The following GOSR1 variants were observed in gnomAD, a reference collection of about 807,000 sequenced individuals.
GOSR1 encodes the protein 28 kDa Golgi SNARE protein.
GOSR1 carries 21 observed loss-of-function variants against 35.5 expected under a neutral mutation model. The observed-to-expected ratio is 0.59, with a 90% CI of 0.42 to 0.85. The LOEUF (loss-of-function observed/expected upper bound fraction) is 0.85. GOSR1 is among the 40% of genes least tolerant of loss of function. The probability of loss-of-function intolerance (pLI) is 0.00; values close to 1 mark genes in which losing one functional copy is unlikely to be tolerated. For missense variants in GOSR1, 285 were observed against 309.6 expected, an observed-to-expected ratio of 0.92 and a Z score of 0.60; for synonymous variants, 94 against 106.6, an observed-to-expected ratio of 0.88 and a Z score of 0.73.
intron 4 of GOSR1, chr17:30,485,278 TTTTTTTTTG>T: frequency 5.3e-6 from 1 of 187,538 alleles, no homozygotes; most frequent in Non-Finnish European, 1.1e-5. Context: ...CAATTTTTTT[TTTTTTTTTG>T]AGATAGGGTT....
intron 3 of GOSR1, 83 bp downstream of exon 3, chr17:30,484,384 T>C (rs550763369): frequency 9.5e-6 from 8 of 845,600 alleles, no homozygotes; most frequent in Non-Finnish European, 1.5e-5. Context: ...GAGACAGACA[T>C]GTTTATTGAA....
intron 7 of GOSR1, among the ~76,000 whole-genome samples, chr17:30,512,879 A>G (rs1967664726): frequency 6.6e-6 from 1 of 152,240 alleles, no homozygotes; most frequent in African/African-American, 2.4e-5. Flanking sequence ...TAATATGAGT[A>G]TAAAAACTTG....
chr17:30,490,820 A>G (rs1277875448), intron 5 of GOSR1, among the ~76,000 whole-genome samples: 2 of 152,138 alleles, frequency 1.3e-5, no homozygotes, highest in Non-Finnish European at 2.9e-5. Flanking sequence ...GATCTATTCT[A>G]GCATTTCATA....
chr17:30,481,348 G>T lies in GOSR1; in HGVS notation c.146+91G>T. 1.0e-5 allele frequency: 9 copies of T among 867,588 alleles called. 1 individual carries two copies. The highest frequency in any genetic ancestry group is 2.4e-4 in the Middle Eastern group (1 of 4,198). The allele number at this position is 867,588 out of a possible 1,614,324, so 53.7% of individuals were successfully genotyped here. A position where few individuals can be genotyped will look rare whatever the true frequency, so the allele number is the denominator to read the frequency against. On this transcript the variant is annotated intron_variant, in intron 2 of 8. Coordinates refer to ENST00000451249, the MANE Select transcript of GOSR1 (RefSeq NM_001007025.2). ...CTAAAATATATAACTTCTGTAAGTT[G>T]GTCTATTGGTGAATTTTTGGTGTTT...
rs1914555322 is a variant in GOSR1 at position 30,484,545 on chromosome 17, G to GTT, written c.235-115_235-114dup. Reference sequence around the variant, plus strand: ...TGCTCTCTTGTTTGTTTTTTGTTTTGTTTTGTTTTGTTTTGTTTTGCTGTC... The same window carrying GTT: ...TGCTCTCTTGTTTGTTTTTTGTTTTGTTTTTTGTTTTGTTTTGTTTTGCTGTC... On this transcript the variant is annotated intron_variant, in intron 3 of 8. Coordinates refer to ENST00000451249, the MANE Select transcript of GOSR1 (RefSeq NM_001007025.2). 6 of 615,224 alleles carry GTT rather than the reference G, an allele frequency of 9.8e-6. No homozygotes were observed. In the South Asian group the frequency reaches 1.3e-4, roughly 13 times the overall value. 38.1% of individuals were successfully genotyped at this position (615,224 alleles called of 1,614,324 possible).
At chr17:30,501,252 T>C (rs1967194353) in intron 6 of GOSR1, among the ~76,000 whole-genome samples, 1 of 152,100 alleles carries the variant, frequency 6.6e-6, no homozygotes, top group Non-Finnish European at 1.5e-5. Flanking sequence ...CCAAGGAAGA[T>C]ATACAGATGA....
intron 6 of GOSR1, among the ~76,000 whole-genome samples, chr17:30,505,617 A>G (rs1184852995): frequency 6.6e-6 from 1 of 152,200 alleles, no homozygotes; most frequent in African/African-American, 2.4e-5. Flanking sequence ...TGTTTTCATT[A>G]TTATCATATC....
intron 4 of GOSR1, chr17:30,485,017 A>G (rs1206531803): frequency 2.0e-6 from 1 of 492,646 alleles, no homozygotes; most frequent in African/African-American, 2.0e-5. Flanking sequence ...GGGTACATAT[A>G]CTTCCACTAT....
At chr17:30,489,219 A>G (rs912126175) in intron 4 of GOSR1, among the ~76,000 whole-genome samples, 2 of 152,104 alleles carry the variant, frequency 1.3e-5, no homozygotes, top group African/African-American at 4.8e-5. Flanking sequence ...CTCCATCTCT[A>G]TTAAAAATAC....
In GOSR1 at chr17:30,521,175, T is replaced by C. The variant is rs1028862473; in HGVS notation, c.623-1079T>C. ...CCATAAGTTCTCTCTCTCTTTTTTT[T>C]TTTTTTTTTTTTTTTTTTTTTAAGA... On this transcript the variant is annotated intron_variant, in intron 8 of 8. Transcript: ENST00000451249. Among the ~76,000 whole-genome samples, 596 of 137,036 alleles carry C rather than the reference T, an allele frequency of 4.3e-3. 7 individuals carry two copies. Among genetic ancestry groups the C allele is most frequent in the African/African-American group, 0.016 (573 of 36,414 alleles). The allele number at this position is 137,036 out of a possible 152,430, so 89.9% of individuals were successfully genotyped here.
At chr17:30,510,298 TC>T (rs1202439093) in intron 6 of GOSR1, among the ~76,000 whole-genome samples, 1 of 150,164 alleles carries the variant, frequency 6.7e-6, no homozygotes, top group Non-Finnish European at 1.5e-5. Context: ...GGTCTCGAAC[TC>T]CTGGCCTCAA....
intron 6 of GOSR1, among the ~76,000 whole-genome samples, chr17:30,507,225 A>G (rs1197866192): frequency 6.6e-6 from 1 of 152,232 alleles, no homozygotes; most frequent in Non-Finnish European, 1.5e-5. Context: ...TGTGCAAAGT[A>G]AATTGAAAGC....
chr17:30,501,480 C>T (rs200701947), intron 6 of GOSR1, among the ~76,000 whole-genome samples: 1 of 151,788 alleles, frequency 6.6e-6, no homozygotes, highest in Non-Finnish European at 1.5e-5. Context: ...AAGACACTTA[C>T]GCAGTTTTGT....
chr17:30,514,193 T>G (rs1389959490), intron 7 of GOSR1, among the ~76,000 whole-genome samples: 1 of 152,210 alleles, frequency 6.6e-6, no homozygotes. Context: ...GATCAAAAAT[T>G]CAGTGTATTG....
intron 6 of GOSR1, 93 bp from the exon 7 acceptor site, chr17:30,510,787 T>C (rs1321319175): frequency 1.4e-6 from 1 of 714,678 alleles, no homozygotes; most frequent in Non-Finnish European, 2.5e-6. Context: ...TATACATAAA[T>C]GACTAAAAAG....
chr17:30,491,761 A>G (rs532342343), intron 5 of GOSR1, among the ~76,000 whole-genome samples: 2 of 152,278 alleles, frequency 1.3e-5, no homozygotes, highest in East Asian at 3.9e-4. Context: ...TTTTTAATGT[A>G]TTATATTTTT....
chr17:30,497,440 C>G (rs1421688348), intron 6 of GOSR1, among the ~76,000 whole-genome samples: 9 of 152,092 alleles, frequency 5.9e-5, no homozygotes, highest in Non-Finnish European at 1.3e-4. Context: ...TGGACTCTAT[C>G]TTTTTGGGGT....
chr17:30,513,233 A>C (rs1054480904), intron 7 of GOSR1, among the ~76,000 whole-genome samples: 12 of 152,300 alleles, frequency 7.9e-5, no homozygotes, highest in African/African-American at 2.9e-4. Flanking sequence ...AACATTTATA[A>C]ATTCATTTCT....
chr17:30,521,018 T>A (rs188528181), intron 8 of GOSR1, among the ~76,000 whole-genome samples: 1 of 152,182 alleles, frequency 6.6e-6, no homozygotes, highest in Non-Finnish European at 1.5e-5. Flanking sequence ...GTGAAACTTT[T>A]GAAACTTTGA....
Sources: gnomAD v4.1 joint callset for allele counts (sites outside exome capture counted in the v4.1 genomes callset) on GRCh38, gnomAD v4.1.1 for gene constraint, MANE v1.5 for transcripts, NCBI Gene and HGNC (gene_info 2026-07-23, HGNC 2026-07-21) for gene names.